MLKL: variants seen among roughly 807,000 people sequenced by gnomAD.
The protein encoded by MLKL is mixed lineage kinase domain like pseudokinase.
In MLKL, 55 loss-of-function variants were observed where a neutral mutation model predicts 56.5. The ratio of observed to expected loss-of-function variants is 0.97; its 90% CI spans 0.78 to 1.22. The LOEUF is 1.22. Ranked by LOEUF, MLKL falls within the 50% of genes most tolerant of loss-of-function variation. MLKL has a pLI of 0.00. For missense variants in MLKL, 694 were observed against 573.9 expected (o/e 1.21, Z -2.14); for synonymous variants, 251 against 208.3 (o/e 1.20, Z -1.76).
In MLKL at chr16:74,678,964, C is replaced by T. The variant is rs758216519; in HGVS notation, c.973G>A (p.Ala325Thr). 1 of 1,613,986 alleles carries T rather than the reference C, an allele frequency of 6.2e-7. No homozygotes were observed. The highest frequency in any genetic ancestry group is 8.5e-7 in the Non-Finnish European group (1 of 1,179,922). The change falls in exon 7 of 11, where the codon GCA becomes ACA. Residue 325 changes from alanine (A) to threonine (T), a missense_variant. Ala to Thr is a moderately conservative substitution (Grantham distance 58). Transcript: ENST00000308807. Reference protein sequence around the residue: ...RGLYRLHHSEAPELHGKIRSS... With the variant: ...RGLYRLHHSETPELHGKIRSS... ...CTGATTTTTCCGTGGAGTTCAGGTG[C>T]TTCTGAATGGTGTAGCCTGACACAG... is the stretch of plus-strand genomic sequence containing the variant.
At chr16:74,697,969 G>A (rs1961149983) in intron 1 of MLKL, among the ~76,000 whole-genome samples, 1 of 152,170 alleles carries the variant, frequency 6.6e-6, no homozygotes, top group African/African-American at 2.4e-5. Flanking sequence ...ACTTTGTGAG[G>A]CTGAGGCCAG....
rs765831445 is a variant in MLKL at position 74,691,281 on chromosome 16, T to C, written c.718A>G (p.Ile240Val). Residue 240 changes from isoleucine (I) to valine (V), a missense_variant, in exon 4 of 11, where the codon ATT (isoleucine) becomes GTT (valine). By Grantham distance (29) the Ile-to-Val change is conservative (BLOSUM62 3). Coordinates refer to ENST00000308807, the MANE Select transcript of MLKL (RefSeq NM_152649.4). ...KVFKKLQAGS[I>V]AIVRQTFNKE... Reference sequence around the variant, plus strand: ...GAACCACACAAAACAACTTACGCAATGCTGCCAGCCTGGAGTTTTTTGAAT... The same window carrying C: ...GAACCACACAAAACAACTTACGCAACGCTGCCAGCCTGGAGTTTTTTGAAT... 1.2e-6 allele frequency: 2 copies of C among 1,609,978 alleles called. No individual in the cohort carries two copies. Among genetic ancestry groups the C allele is most frequent in the Admixed American group, 1.7e-5 (1 of 58,808 alleles).
At chr16:74,678,312 A>G (rs1959730943) in intron 7 of MLKL, 1 of 155,078 alleles carries the variant, frequency 6.4e-6, no homozygotes, top group Non-Finnish European at 1.4e-5. Flanking sequence ...TTGTAGGGAC[A>G]TAGAAGTGGT....
chr16:74,685,354 T>A, intron 5 of MLKL, 132 bp downstream of exon 5: 1 of 695,040 alleles, frequency 1.4e-6, no homozygotes, highest in Admixed American at 2.8e-5. Flanking sequence ...AAAAAAAAAT[T>A]AACATTGATA....
chr16:74,690,073 C>A (rs561655856), intron 4 of MLKL, among the ~76,000 whole-genome samples: 2 of 151,964 alleles, frequency 1.3e-5, no homozygotes, highest in Non-Finnish European at 2.9e-5. Context: ...ACAGACAAGA[C>A]AAAAGCAGCA....
chr16:74,698,031 C>T (rs1464405008), intron 1 of MLKL, among the ~76,000 whole-genome samples: 1 of 152,068 alleles, frequency 6.6e-6, no homozygotes, highest in Non-Finnish European at 1.5e-5. Context: ...TGGTGAAACC[C>T]TGTCTCTACA....
chr16:74,672,749 G>A (rs866856422), intron 10 of MLKL, among the ~76,000 whole-genome samples: 4 of 152,234 alleles, frequency 2.6e-5, no homozygotes, highest in African/African-American at 9.6e-5. Context: ...ACAGGAGGGG[G>A]TAAACTCACA....
rs1162375407 is a variant in MLKL at position 74,695,335 on chromosome 16, T to G, written c.423A>C (p.Ala141=). ...ASWAQEDQQD[A]DEDRRAFQML... ...TCTGGAAAGCTCGCCTGTCTTCGTC[T>G]GCATCCTGCTGATCTTCCTGTGCCC... Residue 141 remains alanine, a synonymous_variant, in exon 2 of 11, where the codon GCA becomes GCC. Transcript: ENST00000308807. 5.6e-6 allele frequency: 9 copies of G among 1,614,182 alleles called. No homozygotes were observed. The highest frequency in any genetic ancestry group is 7.6e-6 in the Non-Finnish European group (9 of 1,180,036).
intron 2 of MLKL, among the ~76,000 whole-genome samples, chr16:74,693,503 A>AAAAG (rs1242754097): frequency 1.3e-5 from 2 of 151,140 alleles, no homozygotes; most frequent in Admixed American, 1.3e-4. Flanking sequence ...GAAAGAAAAG[A>AAAAG]AAAAAAAAGT....
At chr16:74,683,235 C>T (rs892391876) in intron 5 of MLKL, among the ~76,000 whole-genome samples, 17 of 147,484 alleles carry the variant, frequency 1.2e-4, no homozygotes, top group African/African-American at 2.3e-4. Flanking sequence ...CTTGAAGCTG[C>T]GTGGCAGAGA....
At chr16:74,693,528 G>C (rs1960820654) in intron 2 of MLKL, among the ~76,000 whole-genome samples, 1 of 151,146 alleles carries the variant, frequency 6.6e-6, no homozygotes, top group Admixed American at 6.6e-5. Context: ...GTGATGGATG[G>C]TCGCGATGGT....
rs977589450 is a variant in MLKL at position 74,695,344 on chromosome 16, C to T, written c.414G>A (p.Gln138=). ...SQGASWAQED[Q]QDADEDRRAF... ...CTCGCCTGTCTTCGTCTGCATCCTG[C>T]TGATCTTCCTGTGCCCAGGACGCTC... Residue 138 remains glutamine, a synonymous_variant, in exon 2 of 11, where the codon CAG becomes CAA. Coordinates refer to ENST00000308807, the MANE Select transcript of MLKL (RefSeq NM_152649.4). 4 of 1,614,176 alleles carry T rather than the reference C, an allele frequency of 2.5e-6. No individual in the cohort carries two copies. The highest frequency in any genetic ancestry group is 3.4e-6 in the Non-Finnish European group (4 of 1,180,040).
Position 74,675,649 on chromosome 16 carries a change from A to C in MLKL, c.1154T>G (p.Val385Gly), listed in dbSNP as rs1959549785. 1.2e-6 allele frequency: 2 copies of C among 1,613,948 alleles called. No homozygotes were observed. Among genetic ancestry groups the C allele is most frequent in the Non-Finnish European group, 1.7e-6 (2 of 1,180,034 alleles). The change falls in exon 8 of 11, where the codon GTA (valine) becomes GGA (glycine). Residue 385 changes from valine (V) to glycine (G), a missense_variant. Coordinates refer to ENST00000308807, the MANE Select transcript of MLKL (RefSeq NM_152649.4). ...AGACTTTACATCATATTGATAAAATACATCTTCCAGTTCCTGAGGTGAGAG... is the reference window on the plus strand; with the variant it reads ...AGACTTTACATCATATTGATAAAATCCATCTTCCAGTTCCTGAGGTGAGAG... Reference protein sequence around the residue: ...AYLSPQELEDVFYQYDVKSEI... With the variant: ...AYLSPQELEDGFYQYDVKSEI...
At chr16:74,675,310 G>A (rs940540512) in intron 9 of MLKL, 45 bp downstream of exon 9, 3 of 1,613,612 alleles carry the variant, frequency 1.9e-6, no homozygotes, top group East Asian at 2.2e-5. Flanking sequence ...TACTGGAAGG[G>A]GACCCAACCT....
chr16:74,695,062 CG>C (rs1287819609), intron 2 of MLKL, among the ~76,000 whole-genome samples: 1 of 152,060 alleles, frequency 6.6e-6, no homozygotes, highest in Non-Finnish European at 1.5e-5. Flanking sequence ...TTAGTAGAGA[CG>C]GGGTTTCACC....
At chr16:74,675,163 C>T (rs111705865) in intron 9 of MLKL, 63 bp from the exon 10 acceptor site, 4 of 1,595,096 alleles carry the variant, frequency 2.5e-6, no homozygotes, top group Middle Eastern at 1.7e-4. Context: ...TCTCTGGATG[C>T]TGATGGCTGG....
chr16:74,678,980 C>A lies in MLKL; in HGVS notation c.957G>T (p.Arg319=), dbSNP rs746711798. The A allele has an allele frequency of 1.4e-5, 22 of 1,613,666 alleles. 1 individual carries two copies. The Admixed American group carries it at 3.7e-4, about 27-fold the overall frequency. The change falls in exon 7 of 11, where the codon CGG becomes CGT. Residue 319 remains arginine, a splice_region_variant and synonymous_variant. Transcript: ENST00000308807. ...GTTCAGGTGCTTCTGAATGGTGTAG[C>A]CTGACACAGCCAAAGGCGGGGAGCA... ...LVLGAARGLY[R]LHHSEAPELH...
In MLKL at chr16:74,695,754, C is replaced by T. The variant is rs1468514688; in HGVS notation, c.4G>A (p.Glu2Lys). 1 of 1,582,666 alleles carries T rather than the reference C, an allele frequency of 6.3e-7. No individual in the cohort carries two copies. The highest frequency in any genetic ancestry group is 8.6e-7 in the Non-Finnish European group (1 of 1,163,556). Residue 2 changes from glutamate (E) to lysine (K), a missense_variant, in exon 2 of 11, where the codon GAA (glutamate) becomes AAA (lysine). Glu to Lys is a moderately conservative substitution (Grantham distance 56, BLOSUM62 1). Transcript: ENST00000308807. MENLKHIITLGQ... is the reference protein window; with the variant it reads MKNLKHIITLGQ... ...AGGGTGATAATATGCTTCAAATTTT[C>T]CATGCCTGGAAGAAATGAATGGAAT...
intron 5 of MLKL, among the ~76,000 whole-genome samples, chr16:74,684,007 G>A (rs1367492149): frequency 8.5e-5 from 13 of 152,190 alleles, no homozygotes; most frequent in South Asian, 4.2e-4. Context: ...GAGTGCAGTG[G>A]CATGATATTG....
Sources: allele counts gnomAD v4.1 joint callset (sites outside exome capture counted in the v4.1 genomes callset), GRCh38; gene constraint gnomAD v4.1.1; transcripts MANE v1.5; gene names NCBI Gene and HGNC (gene_info 2026-07-23, HGNC 2026-07-21).